The following LRIG1 variants were observed in gnomAD, a reference collection of about 807,000 sequenced individuals.
LRIG1 encodes the protein leucine rich repeats and immunoglobulin like domains 1, also known as leucine-rich repeats and immunoglobulin-like domains protein 1.
Under a neutral mutation model 99.2 loss-of-function variants are expected in LRIG1, and 48 were observed. The observed-to-expected ratio is 0.48, with a 90% CI of 0.38 to 0.62. The LOEUF (loss-of-function observed/expected upper bound fraction) is 0.62. Among genes scored for constraint, LRIG1 ranks in the 20% least tolerant of loss-of-function variants. The probability of loss-of-function intolerance (pLI) is 0.00; values close to 1 mark genes in which losing one functional copy is unlikely to be tolerated. For missense variants in LRIG1, 1,646 were observed against 1,434.4 expected (o/e 1.15, Z -2.38); for synonymous variants, 772 against 596.1 (o/e 1.29, Z -4.30).
chr3:66,443,346 AG>A (rs564933513), intron 3 of LRIG1, among the ~76,000 whole-genome samples: 15 of 4,306 alleles, frequency 3.5e-3, no homozygotes, highest in African/African-American at 0.014. Flanking sequence ...GGGATGAGTG[AG>A]GGGGCGGGGG....
intron 3 of LRIG1, among the ~76,000 whole-genome samples, chr3:66,423,985 G>C (rs1702898029): frequency 1.3e-5 from 2 of 152,108 alleles, no homozygotes; most frequent in South Asian, 4.2e-4. Context: ...TTAATGACTG[G>C]TTCTTGTCTA....
rs538704360 is a variant in LRIG1 at position 66,436,051 on chromosome 3, G to A, written c.365+15508C>T. On this transcript the variant is annotated intron_variant, in intron 3 of 18. Coordinates refer to ENST00000273261, the MANE Select transcript of LRIG1 (RefSeq NM_015541.3). Reference sequence around the variant, plus strand: ...TGAAATGTAGGGATATGCATGAACTGTTTAATTACTTCCCATCATTTAGGA... The same window carrying A: ...TGAAATGTAGGGATATGCATGAACTATTTAATTACTTCCCATCATTTAGGA... Among the ~76,000 whole-genome samples, 21 of 152,312 alleles carry A rather than the reference G, an allele frequency of 1.4e-4. No individual in the cohort carries two copies. The South Asian group carries it at 2.1e-3, about 15-fold the overall frequency.
At chr3:66,386,575 G>T (rs990027122) in intron 12 of LRIG1, 10 of 395,096 alleles carry the variant, frequency 2.5e-5, no homozygotes, top group African/African-American at 2.0e-4. Flanking sequence ...AAACCAGCCA[G>T]CCGGCAGTTT....
intron 12 of LRIG1, among the ~76,000 whole-genome samples, chr3:66,389,873 A>G (rs1701548710): frequency 6.6e-6 from 1 of 152,158 alleles, no homozygotes; most frequent in South Asian, 2.1e-4. Flanking sequence ...TCAAGTTTGA[A>G]ACTCTCCTGA....
chr3:66,386,425 C>T, intron 12 of LRIG1, 124 bp from the exon 13 acceptor site: 2 of 757,214 alleles, frequency 2.6e-6, no homozygotes, highest in East Asian at 2.5e-5. Flanking sequence ...GGTCCCTGTG[C>T]ATCCTCAGCC....
At chr3:66,494,536 G>A (rs1701185095) in intron 1 of LRIG1, among the ~76,000 whole-genome samples, 1 of 152,166 alleles carries the variant, frequency 6.6e-6, no homozygotes, top group Non-Finnish European at 1.5e-5. Flanking sequence ...AAAACCCAGT[G>A]AAATGGAGAA....
chr3:66,428,186 C>T (rs1301300433), intron 3 of LRIG1, among the ~76,000 whole-genome samples: 1 of 152,208 alleles, frequency 6.6e-6, no homozygotes, highest in South Asian at 2.1e-4. Context: ...CTACTCAGGT[C>T]ATTGAGCTTG....
At chr3:66,475,920 A>G (rs1396532153) in intron 1 of LRIG1, among the ~76,000 whole-genome samples, 1 of 152,184 alleles carries the variant, frequency 6.6e-6, no homozygotes, top group East Asian at 1.9e-4. Context: ...TTATTCACGT[A>G]ATTCGCCACT....
chr3:66,402,738 T>C (rs1280253935), intron 9 of LRIG1, among the ~76,000 whole-genome samples: 2 of 152,054 alleles, frequency 1.3e-5, no homozygotes, highest in East Asian at 3.9e-4. Flanking sequence ...GAGGGGCGGC[T>C]CTTCTCTGTG....
At chr3:66,381,669 T>G (rs564515068) in intron 16 of LRIG1, 38 bp from the exon 17 acceptor site, 3 of 1,600,302 alleles carry the variant, frequency 1.9e-6, no homozygotes, top group East Asian at 2.2e-5. Context: ...AACTCTGGGC[T>G]TGGTATTTCA....
rs1340725452 is a variant in LRIG1 at position 66,451,541 on chromosome 3, C to G, written c.365+18G>C. 4 of 1,613,408 alleles carry G rather than the reference C, an allele frequency of 2.5e-6. No individual in the cohort carries two copies. The highest frequency in any genetic ancestry group is 2.2e-5 in the South Asian group (2 of 91,034). ...GCCCCACCACACAGCCCAGAGTCCC[C>G]CAAACGGCACCACTTACAGAAAGAG... On this transcript the variant is annotated intron_variant, in intron 3 of 18. Transcript: ENST00000273261.
At chr3:66,383,477 C>G in intron 14 of LRIG1, 76 bp from the exon 15 acceptor site, 1 of 1,298,938 alleles carries the variant, frequency 7.7e-7, no homozygotes, top group African/African-American at 1.5e-5. Context: ...TTCTGGACAA[C>G]GGACAATCCA....
chr3:66,471,699 T>C (rs1464358887), intron 1 of LRIG1, among the ~76,000 whole-genome samples: 1 of 152,162 alleles, frequency 6.6e-6, no homozygotes, highest in Non-Finnish European at 1.5e-5. Context: ...ACGGAGACTT[T>C]TGCTTCTGGA....
intron 12 of LRIG1, among the ~76,000 whole-genome samples, chr3:66,389,697 A>C (rs902120952): frequency 6.6e-6 from 1 of 152,234 alleles, no homozygotes; most frequent in Non-Finnish European, 1.5e-5. Context: ...TAAAGGAAGA[A>C]ATAGTGCAAC....
chr3:66,462,431 G>A lies in LRIG1; in HGVS notation c.290+7C>T. The A allele has an allele frequency of 6.2e-7, 1 of 1,608,396 alleles. No homozygotes were observed. The highest frequency in any genetic ancestry group is 1.1e-5 in the South Asian group (1 of 90,334). On this transcript the variant is annotated splice_region_variant and intron_variant, in intron 2 of 18. Transcript: ENST00000273261. ...TCCATCCACCAGAGGTTTAGGGGGA[G>A]ACTCACACTTCCTGTAGGTTCGGCA...
chr3:66,492,358 G>C (rs528532675), intron 1 of LRIG1, among the ~76,000 whole-genome samples: 40 of 152,206 alleles, frequency 2.6e-4, no homozygotes, highest in Non-Finnish European at 4.9e-4. Context: ...GCAAAACAGG[G>C]AGGGGGAAGC....
chr3:66,399,868 T>G (rs1354894053), intron 9 of LRIG1, among the ~76,000 whole-genome samples: 1 of 152,162 alleles, frequency 6.6e-6, no homozygotes, highest in African/African-American at 2.4e-5. Flanking sequence ...GACAGTAAAA[T>G]AGGCATCCAT....
intron 8 of LRIG1, 96 bp from the exon 9 acceptor site, chr3:66,405,374 G>C (rs1702229470): frequency 1.1e-6 from 1 of 935,808 alleles, no homozygotes; most frequent in Non-Finnish European, 1.7e-6. Context: ...GAAGTCCCCT[G>C]GGTGCATGCA....
chr3:66,387,376 G>A (rs892063965), intron 12 of LRIG1: 2 of 152,024 alleles, frequency 1.3e-5, no homozygotes, highest in Admixed American at 6.6e-5. Flanking sequence ...TACACAAATA[G>A]GAAGTGATGG....
Sources: gnomAD v4.1 joint callset for allele counts (sites outside exome capture counted in the v4.1 genomes callset) on GRCh38, gnomAD v4.1.1 for gene constraint, MANE v1.5 for transcripts, NCBI Gene and HGNC (gene_info 2026-07-23, HGNC 2026-07-21) for gene names.